Variants in L3HYPDH observed in about 807,000 individuals in gnomAD.
L3HYPDH encodes the protein trans-L-3-hydroxyproline dehydratase.
Under a neutral mutation model 26.5 loss-of-function variants are expected in L3HYPDH, and 32 were observed. The observed-to-expected ratio is 1.21, with a 90% confidence interval of 0.91 to 1.62. The LOEUF (loss-of-function observed/expected upper bound fraction) is 1.62. Ranked by LOEUF, L3HYPDH falls within the 40% of genes most tolerant of loss-of-function variation. L3HYPDH has a pLI of 0.00. For synonymous variants in L3HYPDH, 215 were observed against 196.6 expected (o/e 1.09, Z -0.78); for missense variants, 554 against 476.4 (o/e 1.16, Z -1.52).
rs918001071 is a variant in L3HYPDH at position 59,472,836 on chromosome 14, G to C, written c.*129C>G. 9.5e-6 allele frequency: 7 copies of C among 734,084 alleles called. No homozygotes were observed. The highest frequency in any genetic ancestry group is 6.4e-5 in the East Asian group (2 of 31,448). 45.5% of individuals were successfully genotyped at this position (734,084 alleles called of 1,614,324 possible). On this transcript the variant is annotated 3_prime_UTR_variant, in exon 5 of 5. Transcript: ENST00000247194. ...ATAATGACTTTATATTTAGCCACAG[G>C]GTAGTATTTTACAAAGAATGAGAGT...
the L3HYPDH span, among the ~76,000 whole-genome samples, chr14:59,502,755 T>TGTTTTTTTTTTCTTTGTTTTTG: frequency 2.4e-5 from 3 of 122,914 alleles, no homozygotes; most frequent in South Asian, 2.7e-4. Context: ...ATGAGATTTT[T>TGTTTTTTTTTTCTTTGTTTTTG]TTTTTTTTTT....
At position 59,474,704 on chromosome 14, in the gene L3HYPDH, C is replaced by T. The variant is rs145455481; in HGVS notation, c.939+1165G>A. The T allele has an allele frequency of 7.2e-5, 40 of 555,836 alleles. No homozygotes were observed. In the East Asian group the frequency reaches 9.1e-4, roughly 13 times the overall value. 34.4% of individuals were successfully genotyped at this position (555,836 alleles called of 1,614,324 possible). The stretch of plus-strand genomic sequence containing the variant: ...CTCCGTTTTATCATCTATTGAAAAA[C>T]GATAATAACAGCACAGTACTGACCT... On this transcript the variant is annotated intron_variant, in intron 4 of 4. Transcript: ENST00000247194.
the L3HYPDH span, among the ~76,000 whole-genome samples, chr14:59,502,641 G>GAAAT: frequency 6.6e-6 from 1 of 151,868 alleles, no homozygotes; most frequent in African/African-American, 2.4e-5. Context: ...AACCAGCATT[G>GAAAT]AAATATAATT....
At chr14:59,489,042 A>G (rs1432269007), upstream of L3HYPDH, among the ~76,000 whole-genome samples, 20 of 152,240 alleles carry the variant, frequency 1.3e-4, no homozygotes. Flanking sequence ...TGTGTTGGCT[A>G]TTAGCACTTG....
the L3HYPDH span, among the ~76,000 whole-genome samples, chr14:59,496,705 A>G: frequency 6.6e-6 from 1 of 152,204 alleles, no homozygotes; most frequent in Admixed American, 6.5e-5. Flanking sequence ...AATCAGAATC[A>G]TCACACAGCT....
Position 59,479,360 on chromosome 14 carries a change from A to C in L3HYPDH, c.509-9T>G, listed in dbSNP as rs753710027. 21 of 1,607,610 alleles carry C rather than the reference A, an allele frequency of 1.3e-5. No homozygotes were observed. In the South Asian group the frequency reaches 2.2e-4, roughly 17 times the overall value. On this transcript the variant is annotated splice_polypyrimidine_tract_variant and intron_variant, in intron 1 of 4. Transcript: ENST00000247194. ...AACATCCACCATGAGATCTAAAAAA[A>C]AGATGTGTTTGGAAAGAAGATGTGT...
upstream of L3HYPDH, chr14:59,484,727 C>G (rs1165129826): frequency 5.0e-6 from 6 of 1,188,242 alleles, no homozygotes; most frequent in East Asian, 1.5e-4. Context: ...CCCCGCCCGC[C>G]CTCGGGCCGG....
chr14:59,477,179 G>C (rs765798024), intron 2 of L3HYPDH, among the ~76,000 whole-genome samples: 6 of 152,164 alleles, frequency 3.9e-5, no homozygotes, highest in Non-Finnish European at 7.4e-5. Flanking sequence ...TCACAGGTAT[G>C]CTCGCTTCCC....
Position 59,483,942 on chromosome 14 carries a change from A to T in L3HYPDH, c.375T>A (p.Pro125=). ...ALDFGLVPAP[P]AGTREARVNI... The stretch of plus-strand genomic sequence containing the variant: ...TGACGCGGGCCTCGCGGGTGCCCGC[A>T]GGGGGCGCCGGCACAAGCCCGAAGT... The change falls in exon 1 of 5, where the codon CCT becomes CCA. Residue 125 remains proline (P), a synonymous_variant. Transcript: ENST00000247194. 6.4e-7 allele frequency: 1 copy of T among 1,556,950 alleles called. No individual in the cohort carries two copies. The highest frequency in any genetic ancestry group is 1.9e-5 in the Admixed American group (1 of 53,492).
At chr14:59,487,054 T>A (rs1198782792), upstream of L3HYPDH, 15 of 316,026 alleles carry the variant, frequency 4.7e-5, no homozygotes, top group Non-Finnish European at 8.2e-5. Context: ...TAGAAAAAAA[T>A]TAGCTGGGCA....
At chr14:59,484,448 C>A, upstream of L3HYPDH, 2 of 1,382,736 alleles carry the variant, frequency 1.4e-6, no homozygotes, top group Non-Finnish European at 2.0e-6. Flanking sequence ...GGAGCCTAAA[C>A]CCGGAAGCGA....
Position 59,483,949 on chromosome 14 carries a change from G to A in L3HYPDH, c.368C>T (p.Ala123Val). The change falls in exon 1 of 5, where the codon GCG becomes GTG. Residue 123 changes from alanine to valine, a missense_variant. Coordinates refer to ENST00000247194, the MANE Select transcript of L3HYPDH (RefSeq NM_144581.2). The part of the protein sequence containing the change: ...RFALDFGLVP[A>V]PPAGTREARV... ...GGCCTCGCGGGTGCCCGCAGGGGGC[G>A]CCGGCACAAGCCCGAAGTCCAAAGC... is the stretch of plus-strand genomic sequence containing the variant. 6.4e-7 allele frequency: 1 copy of A among 1,557,924 alleles called. No individual in the cohort carries two copies. Among genetic ancestry groups the A allele is most frequent in the Non-Finnish European group, 8.6e-7 (1 of 1,157,438 alleles).
upstream of L3HYPDH, chr14:59,485,094 G>A: frequency 6.3e-7 from 1 of 1,598,380 alleles, no homozygotes; most frequent in Non-Finnish European, 8.5e-7. Context: ...TTCAACAGTC[G>A]CTTGGAGCCT....
the L3HYPDH span, among the ~76,000 whole-genome samples, chr14:59,499,914 C>G: frequency 2.0e-5 from 3 of 152,238 alleles, no homozygotes; most frequent in East Asian, 1.9e-4. Context: ...TCCTGGCTAC[C>G]CTCTCTGTCT....
chr14:59,471,782 T>A (rs574541943), downstream of L3HYPDH, among the ~76,000 whole-genome samples: 75 of 152,314 alleles, frequency 4.9e-4, no homozygotes, highest in South Asian at 3.3e-3. Context: ...TTATTTTTTT[T>A]AAAAAGTATA....
chr14:59,502,755 T>TGTTTTGTTTTGTTTTTTTTTTTTG, the L3HYPDH span, among the ~76,000 whole-genome samples: 26 of 122,950 alleles, frequency 2.1e-4, 1 homozygote, highest in African/African-American at 7.8e-4. Context: ...ATGAGATTTT[T>TGTTTTGTTTTGTTTTTTTTTTTTG]TTTTTTTTTT....
chr14:59,492,629 C>G, the L3HYPDH span, among the ~76,000 whole-genome samples: 294 of 152,256 alleles, frequency 1.9e-3, 2 homozygotes, highest in Admixed American at 0.014. Flanking sequence ...GCAGTGTTGC[C>G]TAGCAATATA....
chr14:59,475,642 G>A (rs1889575413), intron 4 of L3HYPDH, among the ~76,000 whole-genome samples: 1 of 152,150 alleles, frequency 6.6e-6, no homozygotes, highest in Admixed American at 6.5e-5. Flanking sequence ...TCATTATTAT[G>A]AACACAGTTT....
the L3HYPDH span, among the ~76,000 whole-genome samples, chr14:59,503,335 A>G: frequency 4.5e-4 from 69 of 152,184 alleles, no homozygotes; most frequent in African/African-American, 1.6e-3. Context: ...TAATTTCTGC[A>G]TAGCATACAG....
Sources: allele counts gnomAD v4.1 joint callset (sites outside exome capture counted in the v4.1 genomes callset), GRCh38; gene constraint gnomAD v4.1.1; transcripts MANE v1.5; gene names NCBI Gene and HGNC (gene_info 2026-07-23, HGNC 2026-07-21).